The following HMGXB4 variants were observed in gnomAD, a reference collection of about 807,000 sequenced individuals.
HMGXB4 encodes HMG-box containing 4.
In HMGXB4, 27 loss-of-function variants were observed where a neutral mutation model predicts 63.9. That is an observed-to-expected ratio of 0.42 (90% CI 0.31 to 0.58). The LOEUF is 0.58. HMGXB4 is among the 20% of genes least tolerant of loss of function. The pLI, the probability that HMGXB4 is intolerant of heterozygous loss-of-function variation, is 0.13. For synonymous variants in HMGXB4, 264 were observed against 265.3 expected (o/e 0.99, Z 0.05); for missense variants, 624 against 700.7 (o/e 0.89, Z 1.24).
At chr22:35,281,594 G>A (rs1038477832) in intron 5 of HMGXB4, among the ~76,000 whole-genome samples, 2 of 152,112 alleles carry the variant, frequency 1.3e-5, no homozygotes, top group African/African-American at 2.4e-5. Context: ...CACCTTCCTT[G>A]TAAGTTTTAT....
At chr22:35,288,864 G>A (rs1463762494) in intron 9 of HMGXB4, among the ~76,000 whole-genome samples, 5 of 152,166 alleles carry the variant, frequency 3.3e-5, no homozygotes, top group Admixed American at 6.5e-5. Flanking sequence ...AAATGGGGCC[G>A]GGCGTGGTGG....
chr22:35,265,478 C>T lies in HMGXB4; in HGVS notation c.1090C>T (p.Pro364Ser). The T allele has an allele frequency of 6.2e-7, 1 of 1,614,092 alleles. No individual in the cohort carries two copies. Among genetic ancestry groups the T allele is most frequent in the Non-Finnish European group, 8.5e-7 (1 of 1,180,016 alleles). ...GGTCACAGTGACATCTGGCCCTCCT[C>T]CCAGCATCCCATACGCTGGAGCAGC... ...GEVTVTSGPP[P>S]SIPYAGAAAP... The change falls in exon 5 of 11, where the codon CCC becomes TCC. Residue 364 changes from proline to serine, a missense_variant. Transcript: ENST00000216106.
intron 9 of HMGXB4, among the ~76,000 whole-genome samples, chr22:35,291,932 G>A (rs889478858): frequency 6.6e-6 from 1 of 152,208 alleles, no homozygotes; most frequent in Non-Finnish European, 1.5e-5. Flanking sequence ...AGGAGGATGA[G>A]GGAAAGGAAG....
the HMGXB4 span, among the ~76,000 whole-genome samples, chr22:35,244,208 A>G: frequency 6.6e-6 from 1 of 151,946 alleles, no homozygotes; most frequent in East Asian, 1.9e-4. Flanking sequence ...CTTTTGTTGT[A>G]GTCCCATGAA....
chr22:35,263,714 C>CA (rs1355307619), intron 3 of HMGXB4, 82 bp from the exon 4 acceptor site: 1 of 942,848 alleles, frequency 1.1e-6, no homozygotes, highest in Non-Finnish European at 1.7e-6. Context: ...TTCCCAAAAT[C>CA]AAAAATCATC....
intron 2 of HMGXB4, 102 bp from the exon 3 acceptor site, chr22:35,262,976 T>C: frequency 9.0e-7 from 1 of 1,112,930 alleles, no homozygotes; most frequent in Non-Finnish European, 1.3e-6. Context: ...AACATTGTTT[T>C]AATTTGGAAA....
chr22:35,247,896 G>A, the HMGXB4 span, among the ~76,000 whole-genome samples: 3 of 152,140 alleles, frequency 2.0e-5, no homozygotes, highest in Non-Finnish European at 4.4e-5. Context: ...TTTAACAACA[G>A]GGATACAGTC....
Position 35,264,633 on chromosome 22 carries a change from C to A in HMGXB4, c.260-15C>A. ...TTCCCATCATATTGACAGTACTTCT[C>A]TTGATTATTTCTAGATATTTCGTCT... On this transcript the variant is annotated splice_polypyrimidine_tract_variant and intron_variant, in intron 4 of 10. Transcript: ENST00000216106. The A allele has an allele frequency of 1.3e-6, 2 of 1,535,038 alleles. No homozygotes were observed. The highest frequency in any genetic ancestry group is 1.8e-6 in the Non-Finnish European group (2 of 1,142,154).
chr22:35,247,512 C>T, the HMGXB4 span, among the ~76,000 whole-genome samples: 3 of 152,232 alleles, frequency 2.0e-5, no homozygotes, highest in Non-Finnish European at 4.4e-5. Context: ...CTCTCCTCTT[C>T]CATGCTCTGC....
At chr22:35,249,463 G>C in the HMGXB4 span, among the ~76,000 whole-genome samples, 712 of 97,796 alleles carry the variant, frequency 7.3e-3, 105 homozygotes, top group African/African-American at 0.017. Context: ...CCAATATTTT[G>C]TACTGCATGT....
chr22:35,275,641 G>A (rs1414261364), intron 5 of HMGXB4, among the ~76,000 whole-genome samples: 1 of 152,166 alleles, frequency 6.6e-6, no homozygotes, highest in Non-Finnish European at 1.5e-5. Context: ...AGTTTTGGGA[G>A]GCCAAGGCAG....
At chr22:35,272,199 G>A (rs1224791246) in intron 5 of HMGXB4, among the ~76,000 whole-genome samples, 1 of 152,148 alleles carries the variant, frequency 6.6e-6, no homozygotes, top group African/African-American at 2.4e-5. Context: ...AACACAGAAG[G>A]GAGGAGAAAA....
chr22:35,262,524 C>A, intron 2 of HMGXB4, 103 bp downstream of exon 2: 1 of 1,156,290 alleles, frequency 8.6e-7, no homozygotes, highest in Non-Finnish European at 1.3e-6. Context: ...GCCTGGACTC[C>A]CAAGTGATGG....
intron 5 of HMGXB4, among the ~76,000 whole-genome samples, chr22:35,279,273 C>T (rs1336490387): frequency 6.6e-6 from 1 of 150,430 alleles, no homozygotes; most frequent in Non-Finnish European, 1.5e-5. Context: ...CTCAGCCTCC[C>T]GAGTAGCTGC....
intron 5 of HMGXB4, among the ~76,000 whole-genome samples, chr22:35,270,436 A>G (rs1185753195): frequency 1.3e-5 from 2 of 152,222 alleles, no homozygotes; most frequent in Admixed American, 6.5e-5. Context: ...ATATGTTACA[A>G]TGTAATACTA....
chr22:35,270,412 A>G lies in HMGXB4; in HGVS notation c.1215+4809A>G, dbSNP rs1251380799. Among the ~76,000 whole-genome samples, 3 of 152,236 alleles carry G rather than the reference A, an allele frequency of 2.0e-5. No homozygotes were observed. In the East Asian group the frequency reaches 5.8e-4, roughly 29 times the overall value. ...CTGATTCTACATGATGGTGAGTTGT[A>G]TAATTATTTCATTATATGTTACAAT... On this transcript the variant is annotated intron_variant, in intron 5 of 10. Coordinates refer to ENST00000216106, the MANE Select transcript of HMGXB4 (RefSeq NM_001003681.3).
At chr22:35,263,255 G>T in intron 3 of HMGXB4, 29 bp downstream of exon 3, 1 of 1,528,854 alleles carries the variant, frequency 6.5e-7, no homozygotes, top group Non-Finnish European at 8.8e-7. Flanking sequence ...AATTAGGAAA[G>T]TCTTAAACTA....
chr22:35,264,753 C>T lies in HMGXB4; in HGVS notation c.365C>T (p.Ala122Val). 1.2e-6 allele frequency: 2 copies of T among 1,614,180 alleles called. No homozygotes were observed. Among genetic ancestry groups the T allele is most frequent in the South Asian group, 2.2e-5 (2 of 91,084 alleles). ...AAAGCTATCACTTCCCCACTGGCAG[C>T]AGGCTCCAAGCCCTCCAAAAAGACT... is the stretch of plus-strand genomic sequence containing the variant. ...LLKAITSPLA[A>V]GSKPSKKTGE... Residue 122 changes from alanine (A) to valine (V), a missense_variant, in exon 5 of 11, where the codon GCA becomes GTA. Physicochemically the swap from Ala to Val is moderately conservative, Grantham distance 64. Transcript: ENST00000216106.
intron 6 of HMGXB4, 142 bp downstream of exon 6, chr22:35,284,185 G>GTA (rs1173681024): frequency 3.3e-6 from 2 of 601,246 alleles, no homozygotes; most frequent in Non-Finnish European, 6.0e-6. Context: ...TTTTGCCTTA[G>GTA]TTTATCTCAT....
Sources: gnomAD v4.1 joint callset for allele counts (sites outside exome capture counted in the v4.1 genomes callset) on GRCh38, gnomAD v4.1.1 for gene constraint, MANE v1.5 for transcripts, NCBI Gene and HGNC (gene_info 2026-07-23, HGNC 2026-07-21) for gene names.